Variants in VANGL1 observed in about 807,000 individuals in gnomAD.
VANGL1 encodes the protein vang-like protein 1.
A neutral mutation model predicts 48.4 loss-of-function variants in VANGL1; 18 were observed. That is an observed-to-expected ratio of 0.37 (90% confidence interval 0.26 to 0.55). VANGL1 has a LOEUF of 0.55. Ranked by LOEUF, VANGL1 falls within the 20% of genes least tolerant of loss-of-function variation. VANGL1 has a pLI of 0.81. For missense variants in VANGL1, 667 were observed against 675.8 expected, an observed-to-expected ratio of 0.99 and a Z score of 0.14; for synonymous variants, 257 against 261.8, an observed-to-expected ratio of 0.98 and a Z score of 0.18.
At position 115,691,140 on chromosome 1, in the gene VANGL1, A is replaced by T. The variant is rs994150682; in HGVS notation, c.1336A>T (p.Ser446Cys). The T allele has an allele frequency of 7.4e-6, 12 of 1,614,040 alleles. No individual in the cohort carries two copies. The African/African-American group carries it at 1.5e-4, about 20-fold the overall frequency. The change falls in exon 8 of 8, where the codon AGT becomes TGT. Residue 446 changes from serine (S) to cysteine (C), a missense_variant. By Grantham distance (112) the Ser-to-Cys change is moderately radical. Transcript: ENST00000355485. ...TPKAFLERYL[S>C]AGPTLQYDKD... ...CCAGGCCTTCCTAGAACGGTACCTC[A>T]GTGCGGGCCCCACCCTGCAATATGA...
chr1:115,662,443 A>G (rs181769967), intron 3 of VANGL1, among the ~76,000 whole-genome samples: 1 of 152,314 alleles, frequency 6.6e-6, no homozygotes, highest in East Asian at 1.9e-4. Context: ...CCTTGCTCTT[A>G]TTGCTTCATT....
intron 7 of VANGL1, 119 bp from the exon 8 acceptor site, chr1:115,691,000 G>A (rs867780743): frequency 2.1e-6 from 3 of 1,395,448 alleles, no homozygotes; most frequent in East Asian, 4.9e-5. Flanking sequence ...CTGGGCTCTG[G>A]TCTAAGCTGG....
At chr1:115,642,289 C>T (rs1651762164) in intron 1 of VANGL1, among the ~76,000 whole-genome samples, 1 of 151,932 alleles carries the variant, frequency 6.6e-6, no homozygotes, top group Non-Finnish European at 1.5e-5. Flanking sequence ...GGTAGTGCTT[C>T]CTCTGACTCC....
chr1:115,691,583 A>T lies in VANGL1; in HGVS notation c.*204A>T, dbSNP rs1481677321. On this transcript the variant is annotated 3_prime_UTR_variant, in exon 8 of 8. Transcript: ENST00000355485. ...ACCCTGAAAAAGAGTGACTGATGAC[A>T]TCTGACTTTTGTCGATGGGACTTCT... The T allele has an allele frequency of 1.2e-5, 7 of 584,732 alleles. No individual in the cohort carries two copies. The highest frequency in any genetic ancestry group is 3.5e-5 in the Admixed American group (1 of 28,514). 36.2% of individuals were successfully genotyped at this position (584,732 alleles called of 1,614,324 possible). A position where few individuals can be genotyped will look rare whatever the true frequency, so the allele number is the denominator to read the frequency against.
At chr1:115,679,895 T>TA (rs1380699504) in intron 4 of VANGL1, among the ~76,000 whole-genome samples, 14 of 151,784 alleles carry the variant, frequency 9.2e-5, no homozygotes, top group Non-Finnish European at 2.9e-5. Flanking sequence ...AACTGAGTCT[T>TA]ACAGCCATGT....
chr1:115,642,540 C>T (rs1004556661), intron 1 of VANGL1: 1 of 152,254 alleles, frequency 6.6e-6, no homozygotes, highest in Non-Finnish European at 1.5e-5. Flanking sequence ...GCCGGGCGCG[C>T]ACCGGGGTTC....
rs901540075 is a variant in VANGL1, at chr1:115,693,297, A to G, written c.*1918A>G. The G allele has an allele frequency of 6.6e-6, 1 of 152,662 alleles. No homozygotes were observed. The highest frequency in any genetic ancestry group is 2.4e-5 in the African/African-American group (1 of 41,458). The allele number at this position is 152,662 out of a possible 1,614,324, so 9.5% of individuals were successfully genotyped here. A position where few individuals can be genotyped will look rare whatever the true frequency, so the allele number is the denominator to read the frequency against. On this transcript the variant is annotated 3_prime_UTR_variant, in exon 8 of 8. Coordinates refer to ENST00000355485, the MANE Select transcript of VANGL1 (RefSeq NM_138959.3). ...TTGGGAAATGGGGTAAGAGATGGCA[A>G]GTGTGAGACGGGCTGTGTCAGAGGT...
Position 115,685,332 on chromosome 1 carries a change from G to A in VANGL1, c.1119G>A (p.Gln373=). Residue 373 remains glutamine (Q), a synonymous_variant, in exon 7 of 8, where the codon CAG becomes CAA. Transcript: ENST00000355485. ...TGGAAGAGGCCTTCATCCACATTCA[G>A]CGTCTCCAGGCTGAGGAGCAGCAGA... ...VAVEEAFIHI[Q]RLQAEEQQKA... The A allele has an allele frequency of 6.2e-7, 1 of 1,614,178 alleles. No homozygotes were observed. Among genetic ancestry groups the A allele is most frequent in the South Asian group, 1.1e-5 (1 of 91,090 alleles).
intron 4 of VANGL1, among the ~76,000 whole-genome samples, chr1:115,672,558 C>G (rs753625712): frequency 6.6e-6 from 1 of 151,608 alleles, no homozygotes; most frequent in African/African-American, 2.4e-5. Flanking sequence ...GGATCTCCCC[C>G]TCTATCTTGA....
At position 115,686,518 on chromosome 1, in the gene VANGL1, G is replaced by A. The variant is rs569411511; in HGVS notation, c.1314+991G>A. Among the ~76,000 whole-genome samples, 68 of 152,184 alleles carry A rather than the reference G, an allele frequency of 4.5e-4. 1 individual carries two copies. In the South Asian group the frequency reaches 0.014, roughly 32 times the overall value. ...TATCTAATAGAGAGTTGTGGCCAAG[G>A]AGGCAAACTAGAGTAAAGATACAGC... is the stretch of plus-strand genomic sequence containing the variant. On this transcript the variant is annotated intron_variant, in intron 7 of 7. Transcript: ENST00000355485.
At position 115,692,740 on chromosome 1, in the gene VANGL1, C is replaced by G. The variant is rs1653889944; in HGVS notation, c.*1361C>G. ...GGCAGAGGAGCCATCCTGGCGGAGCCCTGCTGCAGGGGAGCTCCTTCAGGA... is the reference window on the plus strand; with the variant it reads ...GGCAGAGGAGCCATCCTGGCGGAGCGCTGCTGCAGGGGAGCTCCTTCAGGA... On this transcript the variant is annotated 3_prime_UTR_variant, in exon 8 of 8. Transcript: ENST00000355485. 1 of 152,368 alleles carries G rather than the reference C, an allele frequency of 6.6e-6. No homozygotes were observed. Among genetic ancestry groups the G allele is most frequent in the Admixed American group, 6.5e-5 (1 of 15,284 alleles). The allele number at this position is 152,368 out of a possible 1,614,324, so 9.4% of individuals were successfully genotyped here.
chr1:115,688,141 T>C (rs1475220113), intron 7 of VANGL1, among the ~76,000 whole-genome samples: 1 of 138,300 alleles, frequency 7.2e-6, no homozygotes, highest in Non-Finnish European at 1.6e-5. Flanking sequence ...GAGATATAGA[T>C]ATATAAAACT....
chr1:115,685,208 C>T (rs1391484727), intron 6 of VANGL1, 85 bp from the exon 7 acceptor site: 34 of 1,478,250 alleles, frequency 2.3e-5, no homozygotes, highest in Non-Finnish European at 2.8e-5. Flanking sequence ...CAGGTTGGGC[C>T]GCAGCAGGGT....
Position 115,687,928 on chromosome 1 carries a change from C to A in VANGL1, c.1314+2401C>A, listed in dbSNP as rs1288481162. Among the ~76,000 whole-genome samples, 3 of 118,500 alleles carry A rather than the reference C, an allele frequency of 2.5e-5. 1 individual carries two copies. The highest frequency in any genetic ancestry group is 1.8e-4 in the Admixed American group (2 of 11,060). The allele number at this position is 118,500 out of a possible 152,430, so 77.7% of individuals were successfully genotyped here. A position where few individuals can be genotyped will look rare whatever the true frequency, so the allele number is the denominator to read the frequency against. ...GGCCACCACCCCGGCCTATATATAT[C>A]ATTCATTAGGTAGATAGATAGATAG... On this transcript the variant is annotated intron_variant, in intron 7 of 7. Transcript: ENST00000355485.
At chr1:115,687,945 GA>G (rs1557777158) in intron 7 of VANGL1, among the ~76,000 whole-genome samples, 2,521 of 108,424 alleles carry the variant, frequency 0.023, 493 homozygotes, top group African/African-American at 0.057. Flanking sequence ...TAGGTAGATA[GA>G]TAGATAGATA....
At chr1:115,663,048 G>A (rs1652627048) in intron 3 of VANGL1, among the ~76,000 whole-genome samples, 1 of 152,148 alleles carries the variant, frequency 6.6e-6, no homozygotes, top group African/African-American at 2.4e-5. Flanking sequence ...GCCTTCCAAA[G>A]TACGGGGATT....
At chr1:115,654,243 A>G (rs1174061667) in intron 2 of VANGL1, among the ~76,000 whole-genome samples, 3 of 151,972 alleles carry the variant, frequency 2.0e-5, no homozygotes, top group South Asian at 2.1e-4. Context: ...AGGGAGGAAT[A>G]ATGAAATGCA....
intron 5 of VANGL1, 119 bp from the exon 6 acceptor site, chr1:115,683,825 G>T: frequency 4.5e-6 from 5 of 1,118,796 alleles, no homozygotes; most frequent in Non-Finnish European, 6.5e-6. Flanking sequence ...TTTAGGATTT[G>T]TGTGTGTGTG....
chr1:115,672,557 C>T (rs1653018556), intron 4 of VANGL1, among the ~76,000 whole-genome samples: 1 of 151,378 alleles, frequency 6.6e-6, no homozygotes, highest in African/African-American at 2.4e-5. Context: ...TGGATCTCCC[C>T]CTCTATCTTG....
Sources: gnomAD v4.1 joint callset for allele counts (sites outside exome capture counted in the v4.1 genomes callset) on GRCh38, gnomAD v4.1.1 for gene constraint, MANE v1.5 for transcripts, NCBI Gene and HGNC (gene_info 2026-07-23, HGNC 2026-07-21) for gene names.